The following MARF1 variants were observed in gnomAD, a reference collection of about 807,000 sequenced individuals.
The protein encoded by MARF1 is limkain-b1.
Under a neutral mutation model 168.2 loss-of-function variants are expected in MARF1, and 24 were observed. The ratio of observed to expected loss-of-function variants is 0.14; its 90% CI spans 0.10 to 0.20. The LOEUF (loss-of-function observed/expected upper bound fraction) is 0.20. Among genes scored for constraint, MARF1 ranks in the 10% least tolerant of loss-of-function variants. MARF1 has a pLI of 1.00. For missense variants in MARF1, 1,744 were observed against 2,143.6 expected, an observed-to-expected ratio of 0.81 and a Z score of 3.68; for synonymous variants, 868 against 822.4, an observed-to-expected ratio of 1.06 and a Z score of -0.95.
Position 15,601,484 on chromosome 16 carries a change from C to T in MARF1, c.4626+507G>A, listed in dbSNP as rs2032419920. On this transcript the variant is annotated intron_variant, in intron 23 of 26. Transcript: ENST00000396368. ...CTGGAGGAGCCACGCCCTCCCTAAC[C>T]GAGCTCTCAGCTCCCTCTTAGCCTC... 5.4e-5 allele frequency: 12 copies of T among 221,594 alleles called. No homozygotes were observed. The South Asian group carries it at 7.0e-4, about 13-fold the overall frequency. The allele number at this position is 221,594 out of a possible 1,614,324, so 13.7% of individuals were successfully genotyped here. A position where few individuals can be genotyped will look rare whatever the true frequency, so the allele number is the denominator to read the frequency against.
chr16:15,613,934 AGAG>A lies in MARF1; in HGVS notation c.3254-1160_3254-1158del, dbSNP rs1268110642. On this transcript the variant is annotated intron_variant, in intron 16 of 26. Coordinates refer to ENST00000396368, the MANE Select transcript of MARF1 (RefSeq NM_014647.4). ...GGAGAAGCAAAAGTGTTGGGGACAA[AGAG>A]GAGGAAGTATGTGTGTATACACAGG... Among the ~76,000 whole-genome samples the A allele has an allele frequency of 5.3e-5, 8 of 152,072 alleles. No homozygotes were observed. In the South Asian group the frequency reaches 6.2e-4, roughly 12 times the overall value.
In MARF1 at chr16:15,618,917, G is replaced by A. The variant is rs561049227; in HGVS notation, c.2721-1382C>T. Among the ~76,000 whole-genome samples the A allele has an allele frequency of 1.2e-4, 18 of 152,202 alleles. No homozygotes were observed. The South Asian group carries it at 1.2e-3, about 11-fold the overall frequency. On this transcript the variant is annotated intron_variant, in intron 13 of 26. Transcript: ENST00000396368. Reference sequence around the variant, plus strand: ...GTTTAACTGTGCAACCATCATCCCAGTCATGCAAGGCAAAACACTCAGAAT... The same window carrying A: ...GTTTAACTGTGCAACCATCATCCCAATCATGCAAGGCAAAACACTCAGAAT...
intron 2 of MARF1, among the ~76,000 whole-genome samples, chr16:15,638,666 T>G (rs1244054505): frequency 6.6e-6 from 1 of 152,054 alleles, no homozygotes. Flanking sequence ...AAGTAAATAT[T>G]CAAGAGAAAT....
At position 15,639,141 on chromosome 16, in the gene MARF1, G is replaced by C; in HGVS notation, c.93C>G (p.Phe31Leu). 6.2e-7 allele frequency: 1 copy of C among 1,614,162 alleles called. No homozygotes were observed. Among genetic ancestry groups the C allele is most frequent in the Non-Finnish European group, 8.5e-7 (1 of 1,180,018 alleles). ...DNDAKPWLWKFSNCFSRPEQT... is the reference protein window; with the variant it reads ...DNDAKPWLWKLSNCFSRPEQT... ...GCTCAGGACGAGAAAAGCAATTAGA[G>C]AATTTCCAAAGCCATGGCTTAGCAT... is the stretch of plus-strand genomic sequence containing the variant. The change falls in exon 2 of 27, where the codon TTC (phenylalanine) becomes TTG (leucine). Residue 31 changes from phenylalanine (F) to leucine (L), a missense_variant. By Grantham distance (22) the Phe-to-Leu change is conservative. This residue lies in a region of MARF1 where 318 missense variants were observed against 336.6 expected (regional missense o/e 0.94). Coordinates refer to ENST00000396368, the MANE Select transcript of MARF1 (RefSeq NM_014647.4).
In MARF1 at chr16:15,596,820, C is replaced by A; in HGVS notation, c.5102G>T (p.Cys1701Phe). Residue 1701 changes from cysteine (C) to phenylalanine (F), a missense_variant, in exon 27 of 27, where the codon TGC becomes TTC. Physicochemically the swap from Cys to Phe is radical, Grantham distance 205. Coordinates refer to ENST00000396368, the MANE Select transcript of MARF1 (RefSeq NM_014647.4). ...CISAAVPVPP[C>F]PSSETSESLL... is the part of the protein sequence containing the mutation. ...TGACTCGGAGGTTTCCGAGGAGGGG[C>A]AGGGAGGCACGGGGACAGCTGCTGA... is the stretch of plus-strand genomic sequence containing the variant. 1 of 1,614,058 alleles carries A rather than the reference C, an allele frequency of 6.2e-7. No homozygotes were observed. Among genetic ancestry groups the A allele is most frequent in the Non-Finnish European group, 8.5e-7 (1 of 1,179,970 alleles).
chr16:15,615,853 T>C lies in MARF1; in HGVS notation c.3230A>G (p.Asn1077Ser). 6.3e-7 allele frequency: 1 copy of C among 1,579,806 alleles called. No homozygotes were observed. The highest frequency in any genetic ancestry group is 8.6e-7 in the Non-Finnish European group (1 of 1,161,962). ...ACCAGTGTTGGGAGGCGGGGGCTTG[T>C]TGTGAATCCATTTAACCACTTTGAT... ...NGIKVVKWIH[N>S]KPPPPNTDPW... Residue 1077 changes from asparagine to serine, a missense_variant, in exon 16 of 27, where the codon AAC becomes AGC. Physicochemically the swap from Asn to Ser is conservative, Grantham distance 46. Coordinates refer to ENST00000396368, the MANE Select transcript of MARF1 (RefSeq NM_014647.4).
chr16:15,608,580 G>C, intron 20 of MARF1, 62 bp from the exon 21 acceptor site: 5 of 1,213,610 alleles, frequency 4.1e-6, no homozygotes, highest in Non-Finnish European at 5.9e-6. Flanking sequence ...TTACAGAATA[G>C]CAAAAAAAGT....
At chr16:15,616,036 A>C (rs775269473) in intron 15 of MARF1, 31 bp from the exon 16 acceptor site, 1 of 1,441,896 alleles carries the variant, frequency 6.9e-7, no homozygotes. Context: ...AAAAAAAGGA[A>C]AGGTTAAATC....
chr16:15,617,756 T>C (rs147356269), intron 13 of MARF1, among the ~76,000 whole-genome samples: 1 of 152,276 alleles, frequency 6.6e-6, no homozygotes, highest in East Asian at 1.9e-4. Context: ...GCTCACTTCA[T>C]TTGAAAGCCA....
chr16:15,602,268 G>A lies in MARF1; in HGVS notation c.4414-65C>T. ...CTGGCCCTGCCCCGTGGAAAGTGAA[G>A]GCCTCCCACTGAGGGAAAAGGCCCA... On this transcript the variant is annotated intron_variant, in intron 22 of 26. Transcript: ENST00000396368. The A allele has an allele frequency of 3.0e-6, 4 of 1,348,850 alleles. No individual in the cohort carries two copies. In the East Asian group the frequency reaches 6.9e-5, roughly 23 times the overall value. 83.6% of individuals were successfully genotyped at this position (1,348,850 alleles called of 1,614,324 possible). A position where few individuals can be genotyped will look rare whatever the true frequency, so the allele number is the denominator to read the frequency against.
At chr16:15,620,766 GAGC>G (rs1336643214) in intron 12 of MARF1, among the ~76,000 whole-genome samples, 1 of 152,156 alleles carries the variant, frequency 6.6e-6, no homozygotes, top group Non-Finnish European at 1.5e-5. Flanking sequence ...CACACCAGTG[GAGC>G]AGAAAAGCAT....
At chr16:15,627,505 C>T (rs2034952292) in intron 7 of MARF1, among the ~76,000 whole-genome samples, 1 of 152,178 alleles carries the variant, frequency 6.6e-6, no homozygotes, top group Non-Finnish European at 1.5e-5. Flanking sequence ...GTAATCCCAG[C>T]TACTCGGGAG....
chr16:15,597,957 G>T (rs2031925905), intron 26 of MARF1, among the ~76,000 whole-genome samples: 1 of 152,170 alleles, frequency 6.6e-6, no homozygotes, highest in African/African-American at 2.4e-5. Flanking sequence ...CTTTTCCTGG[G>T]CAACAGTGCT....
At chr16:15,623,828 CAT>C (rs2034639247) in intron 10 of MARF1, among the ~76,000 whole-genome samples, 1 of 151,920 alleles carries the variant, frequency 6.6e-6, no homozygotes, top group African/African-American at 2.4e-5. Flanking sequence ...TTCTTGCCTA[CAT>C]GTTACAGTTC....
At chr16:15,600,854 G>A in intron 23 of MARF1, 153 bp from the exon 24 acceptor site, 1 of 798,782 alleles carries the variant, frequency 1.3e-6, no homozygotes, top group Non-Finnish European at 2.2e-6. Context: ...TCTCTCCTTA[G>A]CTTTTAAAGC....
intron 1 of MARF1, among the ~76,000 whole-genome samples, chr16:15,641,797 T>C (rs1285118769): frequency 6.6e-6 from 1 of 152,228 alleles, no homozygotes. Context: ...GTGCCTTCAA[T>C]ACTGCTCAAT....
Position 15,625,181 on chromosome 16 carries a change from G to A in MARF1, c.1954-8C>T, listed in dbSNP as rs779541686. On this transcript the variant is annotated splice_polypyrimidine_tract_variant and splice_region_variant and intron_variant, in intron 8 of 26. Transcript: ENST00000396368. ...CTCCATGCGGCACAGCTCCTTCAAA[G>A]ACACAAGCACAGTGGGGTTTAAATT... The A allele has an allele frequency of 6.2e-7, 1 of 1,613,552 alleles. No individual in the cohort carries two copies. The highest frequency in any genetic ancestry group is 1.7e-5 in the Admixed American group (1 of 59,990).
Position 15,636,275 on chromosome 16 carries a change from C to G in MARF1, c.212G>C (p.Gly71Ala), listed in dbSNP as rs750931454. 1 of 1,612,698 alleles carries G rather than the reference C, an allele frequency of 6.2e-7. No individual in the cohort carries two copies. Among genetic ancestry groups the G allele is most frequent in the South Asian group, 1.1e-5 (1 of 90,852 alleles). Residue 71 changes from glycine (G) to alanine (A), a missense_variant, in exon 3 of 27, where the codon GGC becomes GCC. Coordinates refer to ENST00000396368, the MANE Select transcript of MARF1 (RefSeq NM_014647.4). ...TGGGACTGCTGGAAAAAGCTTAGAG[C>G]CAGCATGAAGGGGTGATGGTACATC... ...LKDVPSPLHA[G>A]SKLFPAVPLP...
At position 15,611,515 on chromosome 16, in the gene MARF1, A is replaced by AT. The variant is rs1480968102; in HGVS notation, c.3617+76dup. 3 of 1,287,180 alleles carry AT rather than the reference A, an allele frequency of 2.3e-6. No homozygotes were observed. In the Admixed American group the frequency reaches 6.8e-5, roughly 29 times the overall value. The allele number at this position is 1,287,180 out of a possible 1,614,324, so 79.7% of individuals were successfully genotyped here. A position where few individuals can be genotyped will look rare whatever the true frequency, so the allele number is the denominator to read the frequency against. On this transcript the variant is annotated intron_variant, in intron 18 of 26. Transcript: ENST00000396368. ...AAAGAATGCTTAATAGAAATACTAG[A>AT]TAACTATTTAGAGTTTGGCAGAAGA...
Sources: gnomAD v4.1 joint callset for allele counts (sites outside exome capture counted in the v4.1 genomes callset) on GRCh38, gnomAD v4.1.1 for gene constraint, gnomAD v4.1.1 regional missense constraint, MANE v1.5 for transcripts, NCBI Gene and HGNC (gene_info 2026-07-23, HGNC 2026-07-21) for gene names.